CFAP61: variants seen among roughly 807,000 people sequenced by gnomAD.
CFAP61 encodes the protein cilia and flagella associated protein 61.
A neutral mutation model predicts 135.6 loss-of-function variants in CFAP61; 107 were observed. The observed-to-expected ratio is 0.79, with a 90% confidence interval of 0.67 to 0.93. The LOEUF (loss-of-function observed/expected upper bound fraction) is 0.93, where lower values mean the gene tolerates loss of function less well. CFAP61 is among the 40% of genes least tolerant of loss of function. The pLI, the probability that CFAP61 is intolerant of heterozygous loss-of-function variation, is 0.00. For missense variants in CFAP61, 1,507 were observed against 1,556.2 expected (o/e 0.97, Z 0.53); for synonymous variants, 575 against 578.5 (o/e 0.99, Z 0.09).
intron 9 of CFAP61, among the ~76,000 whole-genome samples, chr20:20,151,777 C>A (rs189455244): frequency 7.8e-6 from 1 of 127,408 alleles, no homozygotes. Context: ...CTGCAGTGAG[C>A]TGAGATGGCG....
intron 17 of CFAP61, among the ~76,000 whole-genome samples, 155 bp downstream of exon 17, chr20:20,200,057 C>T (rs1331311388): frequency 2.0e-5 from 3 of 152,210 alleles, no homozygotes; most frequent in Non-Finnish European, 4.4e-5. Context: ...CGAAGGCTCC[C>T]CTGCAGCCCT....
At chr20:20,175,299 C>T (rs2054526223) in intron 13 of CFAP61, among the ~76,000 whole-genome samples, 2 of 152,216 alleles carry the variant, frequency 1.3e-5, no homozygotes, top group South Asian at 4.1e-4. Context: ...TCTTCATATG[C>T]TCTTCAGTTC....
rs367638543 is a variant in CFAP61, at chr20:20,298,308, G to T, written c.3344G>T (p.Arg1115Leu). ...CCCTTCCCCGCCTCCAACTACATCC[G>T]CTTGTTTGGCCAGCACGAGCAACTC... is the stretch of plus-strand genomic sequence containing the variant. ...REPFPASNYI[R>L]LFGQHEQLLN... Residue 1115 changes from arginine to leucine, a missense_variant, in exon 25 of 27, where the codon CGC becomes CTC. Transcript: ENST00000245957. The T allele has an allele frequency of 2.0e-5, 32 of 1,613,946 alleles. No homozygotes were observed. The Admixed American group carries it at 3.5e-4, about 18-fold the overall frequency.
At chr20:20,255,848 C>T (rs1359162667) in intron 20 of CFAP61, among the ~76,000 whole-genome samples, 1 of 152,212 alleles carries the variant, frequency 6.6e-6, no homozygotes, top group Non-Finnish European at 1.5e-5. Context: ...TGAATCTGGG[C>T]AGCCTTGTGA....
rs2054790141 is a variant in CFAP61, at chr20:20,288,855, G to C, written c.3043G>C (p.Asp1015His). ...GGCAGCAGCTATGCTACATCTCTTT[G>C]ATCCAACCCTTGAGCCTGTGACCGA... ...QLAAAMLHLF[D>H]PTLEPVTEPP... The change falls in exon 23 of 27, where the codon GAT (aspartate) becomes CAT (histidine). Residue 1015 changes from aspartate (D) to histidine (H), a missense_variant. By Grantham distance (81) the Asp-to-His change is moderately conservative. Coordinates refer to ENST00000245957, the MANE Select transcript of CFAP61 (RefSeq NM_015585.4). 1.4e-5 allele frequency: 23 copies of C among 1,614,018 alleles called. No homozygotes were observed. In the Admixed American group the frequency reaches 3.7e-4, roughly 26 times the overall value.
chr20:20,105,999 C>G (rs1290867705), intron 8 of CFAP61, among the ~76,000 whole-genome samples: 1 of 21,152 alleles, frequency 4.7e-5, no homozygotes, highest in Non-Finnish European at 8.4e-5. Flanking sequence ...GCTACTCTTG[C>G]CTATATATAT....
rs1350664277 is a variant in CFAP61 at position 20,153,913 on chromosome 20, A to AAAACT, written c.952-5455_952-5451dup. On this transcript the variant is annotated intron_variant, in intron 9 of 26. Coordinates refer to ENST00000245957, the MANE Select transcript of CFAP61 (RefSeq NM_015585.4). The stretch of plus-strand genomic sequence containing the variant: ...CCGGGAAAGGACATAACCAAAAAAG[A>AAAACT]AAACTATAGACTAATAATCCTGATG... 2.6e-5 allele frequency among the ~76,000 whole-genome samples: 4 copies of AAAACT among 152,220 alleles called. No individual in the cohort carries two copies. The East Asian group carries it at 7.7e-4, about 29-fold the overall frequency.
intron 17 of CFAP61, among the ~76,000 whole-genome samples, chr20:20,216,678 T>C (rs987935277): frequency 1.3e-5 from 2 of 152,254 alleles, no homozygotes; most frequent in African/African-American, 4.8e-5. Flanking sequence ...TTTTGAATAC[T>C]GTTTTGGAAA....
intron 6 of CFAP61, chr20:20,085,100 T>C: frequency 2.0e-6 from 2 of 985,420 alleles, no homozygotes; most frequent in Non-Finnish European, 2.4e-6. Context: ...CGTTGCACTC[T>C]GTGCTGATCT....
intron 6 of CFAP61, among the ~76,000 whole-genome samples, chr20:20,083,327 C>T (rs1476994299): frequency 7.0e-6 from 1 of 143,538 alleles, no homozygotes; most frequent in Non-Finnish European, 1.5e-5. Context: ...CATAGTGGAC[C>T]GTGGGGGCTG....
intron 26 of CFAP61, among the ~76,000 whole-genome samples, chr20:20,345,265 T>C (rs918013692): frequency 7.2e-5 from 11 of 152,188 alleles, no homozygotes; most frequent in Non-Finnish European, 1.0e-4. Context: ...AATTGGAATA[T>C]TTCTAACACA....
intron 18 of CFAP61, among the ~76,000 whole-genome samples, chr20:20,241,017 G>A (rs767781510): frequency 3.9e-5 from 6 of 152,188 alleles, no homozygotes; most frequent in South Asian, 2.1e-4. Flanking sequence ...CTGTGGATCC[G>A]TCCTATCAGC....
intron 6 of CFAP61, chr20:20,085,348 G>C: frequency 1.6e-6 from 2 of 1,283,086 alleles, no homozygotes; most frequent in South Asian, 2.7e-5. Flanking sequence ...GACTATGTGA[G>C]GCTGATGTCA....
intron 6 of CFAP61, chr20:20,085,401 A>G (rs1373042997): frequency 1.1e-5 from 15 of 1,357,056 alleles, no homozygotes; most frequent in African/African-American, 1.5e-5. Flanking sequence ...ATCATAAATT[A>G]TCAATTACCC....
intron 25 of CFAP61, among the ~76,000 whole-genome samples, chr20:20,338,776 C>T (rs1316903351): frequency 6.6e-6 from 1 of 152,260 alleles, no homozygotes; most frequent in Admixed American, 6.5e-5. Flanking sequence ...CACATCCCCA[C>T]TCAGTTCATG....
chr20:20,348,538 A>C (rs2058712666), intron 26 of CFAP61, among the ~76,000 whole-genome samples: 1 of 151,998 alleles, frequency 6.6e-6, no homozygotes. Context: ...AAATATAAAA[A>C]AATTAGCCAA....
intron 1 of CFAP61, 133 bp downstream of exon 1, chr20:20,052,724 T>G (rs775020348): frequency 3.1e-6 from 5 of 1,601,496 alleles, no homozygotes; most frequent in Non-Finnish European, 4.3e-6. Flanking sequence ...CGTGGCGCCC[T>G]GCAAGGGAGT....
intron 25 of CFAP61, among the ~76,000 whole-genome samples, chr20:20,308,468 T>C (rs913063928): frequency 2.6e-5 from 1 of 38,212 alleles, no homozygotes; most frequent in South Asian, 1.1e-3. Context: ...GGGGCTGGTG[T>C]GGGGGAAGGG....
intron 21 of CFAP61, among the ~76,000 whole-genome samples, chr20:20,273,041 ATTTTT>A (rs998055743): frequency 1.6e-5 from 2 of 127,358 alleles, no homozygotes. Flanking sequence ...GCCATGCTTA[ATTTTT>A]TTTTTTTTTT....
Sources: gnomAD v4.1 joint callset for allele counts (sites outside exome capture counted in the v4.1 genomes callset) on GRCh38, gnomAD v4.1.1 for gene constraint, MANE v1.5 for transcripts, NCBI Gene and HGNC (gene_info 2026-07-23, HGNC 2026-07-21) for gene names.